The following MUC4 variants were observed in gnomAD, a reference collection of about 807,000 sequenced individuals.
MUC4 encodes the protein mucin 4, cell surface associated, also known as mucin-4.
In MUC4, 202 loss-of-function variants were observed where a neutral mutation model predicts 257.9. The observed-to-expected ratio is 0.78, with a 90% CI of 0.70 to 0.88. The LOEUF is 0.88. Among genes scored for constraint, MUC4 ranks in the 40% least tolerant of loss-of-function variants. The probability of loss-of-function intolerance (pLI) is 0.00; values close to 1 mark genes in which losing one functional copy is unlikely to be tolerated. For missense variants in MUC4, 5,976 were observed against 6,513.7 expected (o/e 0.92, Z 2.84); for synonymous variants, 2,351 against 2,757.1 (o/e 0.85, Z 4.62).
At chr3:195,776,550 C>T (rs1302988362) in intron 3 of MUC4, among the ~76,000 whole-genome samples, 1 of 27,564 alleles carries the variant, frequency 3.6e-5, no homozygotes. Flanking sequence ...CCTTCCACAC[C>T]CATACCTTCC....
In MUC4 at chr3:195,789,668, C is replaced by T. The variant is rs1733608502; in HGVS notation, c.1912G>A (p.Gly638Ser). The T allele has an allele frequency of 6.2e-7, 1 of 1,613,746 alleles. No homozygotes were observed. The highest frequency in any genetic ancestry group is 1.7e-5 in the Admixed American group (1 of 59,988). The change falls in exon 2 of 25, where the codon GGT (glycine) becomes AGT (serine). Residue 638 changes from glycine to serine, a missense_variant. Gly to Ser is a moderately conservative substitution (Grantham distance 56, BLOSUM62 0). Around this residue, in one of 44 missense-constraint regions of MUC4, gnomAD observed 1,583 missense variants for 1,257.4 expected, o/e 1.26. Transcript: ENST00000463781. ...PQESPAVSQR[G>S]HTQAPQTTQE... ...GTGGTCTGCGGGGCTTGAGTGTGACCCCTTTGGGAAACAGCTGGTGATTCC... is the reference window on the plus strand; with the variant it reads ...GTGGTCTGCGGGGCTTGAGTGTGACTCCTTTGGGAAACAGCTGGTGATTCC...
chr3:195,767,026 G>A (rs1213537369), intron 7 of MUC4, among the ~76,000 whole-genome samples: 3 of 152,130 alleles, frequency 2.0e-5, no homozygotes, highest in Non-Finnish European at 4.4e-5. Context: ...AGACAGGGGC[G>A]TGAAAACAAC....
intron 5 of MUC4, chr3:195,770,746 G>A: frequency 2.3e-6 from 1 of 431,942 alleles, no homozygotes; most frequent in Non-Finnish European, 4.6e-6. Context: ...CCTCCACACT[G>A]CCCTGTCCGT....
chr3:195,757,457 A>C lies in MUC4; in HGVS notation c.14987-129T>G, dbSNP rs1259390392. 8.1e-6 allele frequency: 7 copies of C among 863,958 alleles called. No homozygotes were observed. In the African/African-American group the frequency reaches 1.2e-4, roughly 15 times the overall value. The allele number at this position is 863,958 out of a possible 1,614,324, so 53.5% of individuals were successfully genotyped here. A position where few individuals can be genotyped will look rare whatever the true frequency, so the allele number is the denominator to read the frequency against. On this transcript the variant is annotated intron_variant, in intron 17 of 24. Coordinates refer to ENST00000463781, the MANE Select transcript of MUC4 (RefSeq NM_018406.7). The surrounding 1 kb of genome is among the most constrained non-coding windows in gnomAD (Gnocchi z 4.8). ...CCTCCCCAGACAAATCTCATTGGTC[A>C]TTTCCTTTGAGCAAGGCTGGTATCG...
chr3:195,807,722 G>T (rs547261855), intron 1 of MUC4, among the ~76,000 whole-genome samples: 2 of 152,344 alleles, frequency 1.3e-5, no homozygotes, highest in South Asian at 4.1e-4. Context: ...GCTACACGAT[G>T]TGCATATTTT....
In MUC4 at chr3:195,757,432, C is replaced by G. The variant is rs1454961340; in HGVS notation, c.14987-104G>C. 1 of 1,041,618 alleles carries G rather than the reference C, an allele frequency of 9.6e-7. No individual in the cohort carries two copies. The highest frequency in any genetic ancestry group is 1.4e-6 in the Non-Finnish European group (1 of 721,232). The allele number at this position is 1,041,618 out of a possible 1,614,324, so 64.5% of individuals were successfully genotyped here. On this transcript the variant is annotated intron_variant, in intron 17 of 24. Transcript: ENST00000463781. The surrounding 1 kb of genome is among the most constrained non-coding windows in gnomAD (Gnocchi z 4.8). ...CCCACCCCTCTCAGGCCACCCTCCC[C>G]CTCCCCAGACAAATCTCATTGGTCA...
intron 19 of MUC4, chr3:195,753,993 G>T (rs1053651690): frequency 1.7e-6 from 1 of 574,746 alleles, no homozygotes; most frequent in Non-Finnish European, 2.9e-6. Context: ...TTCTCCTTCA[G>T]CCCCACACCA....
chr3:195,809,319 G>C (rs1736394581), intron 1 of MUC4, among the ~76,000 whole-genome samples: 1 of 152,236 alleles, frequency 6.6e-6, no homozygotes. Context: ...TGTGCAAACA[G>C]ACCCTAGACT....
chr3:195,780,171 T>G lies in MUC4; in HGVS notation c.11409A>C (p.Thr3803=), dbSNP rs535042404. The G allele has an allele frequency of 5.6e-3, 8,308 of 1,489,764 alleles. 319 individuals are homozygous for G. The African/African-American group carries it at 0.1, about 19-fold the overall frequency. The allele number at this position is 1,489,764 out of a possible 1,614,324, so 92.3% of individuals were successfully genotyped here. A position where few individuals can be genotyped will look rare whatever the true frequency, so the allele number is the denominator to read the frequency against. Residue 3803 remains threonine, a synonymous_variant, in exon 2 of 25, where the codon ACA becomes ACC. Coordinates refer to ENST00000463781, the MANE Select transcript of MUC4 (RefSeq NM_018406.7). ...LPVTDTSSAS[T]GQATPLPVTS... ...TGACAGGAAGAGGGGTGGCCTGACC[T>G]GTGGATGCTGAGGAAGTGTCGGTGA...
rs1553872809 is a variant in MUC4, at chr3:195,781,263, G to T, written c.10317C>A (p.Thr3439=). Residue 3439 remains threonine (T), a synonymous_variant, in exon 2 of 25, where the codon ACC becomes ACA. Transcript: ENST00000463781. ...STSSASTGHA[T]PVPVTSTSSA... is the part of the protein sequence containing the mutation. ...AGGAAGTGCTGGTGACAGGAACAGG[G>T]GTGGCGTGACCGGTGGATGCTGAGG... 10 of 1,503,438 alleles carry T rather than the reference G, an allele frequency of 6.7e-6. No homozygotes were observed. The highest frequency in any genetic ancestry group is 6.1e-5 in the African/African-American group (4 of 65,954). The allele number at this position is 1,503,438 out of a possible 1,614,324, so 93.1% of individuals were successfully genotyped here. A position where few individuals can be genotyped will look rare whatever the true frequency, so the allele number is the denominator to read the frequency against.
Position 195,790,681 on chromosome 3 carries a change from A to G in MUC4, c.899T>C (p.Phe300Ser), listed in dbSNP as rs1733750364. 6.2e-7 allele frequency: 1 copy of G among 1,613,908 alleles called. No homozygotes were observed. Among genetic ancestry groups the G allele is most frequent in the East Asian group, 2.2e-5 (1 of 44,870 alleles). Residue 300 changes from phenylalanine to serine, a missense_variant, in exon 2 of 25, where the codon TTT becomes TCT. By Grantham distance (155) the Phe-to-Ser change is radical (BLOSUM62 -2). This residue lies in a region of MUC4 where 1,583 missense variants were observed against 1,257.4 expected (regional missense o/e 1.26). Transcript: ENST00000463781. ...MPVTSAALVT[F>S]DPEGQSPATF... ...TGCTGGTGATTGTCCTTCTGGATCA[A>G]ATGTTACTAAGGCTGCTGAGGTGAC...
At position 195,761,030 on chromosome 3, in the gene MUC4, T is replaced by C. The variant is rs372494970; in HGVS notation, c.14702A>G (p.Lys4901Arg). 18 of 1,614,166 alleles carry C rather than the reference T, an allele frequency of 1.1e-5. No homozygotes were observed. In the African/African-American group the frequency reaches 2.1e-4, roughly 19 times the overall value. The change falls in exon 16 of 25, where the codon AAA (lysine) becomes AGA (arginine). Residue 4901 changes from lysine to arginine, a missense_variant. Physicochemically the swap from Lys to Arg is conservative, Grantham distance 26. This residue lies in a region of MUC4 where 996 missense variants were observed against 1,137.3 expected (regional missense o/e 0.88). Transcript: ENST00000463781. ...FTPVFYSQLQ[K>R]NSSWAEHLIS... ...CAAATGTTCAGCCCAGGAGCTGTTT[T>C]TTTGCAGTTGTGAGTAGAAAACAGG...
At chr3:195,765,541 AC>A in intron 8 of MUC4, 92 bp from the exon 9 acceptor site, 1 of 1,243,108 alleles carries the variant, frequency 8.0e-7, no homozygotes, top group Non-Finnish European at 1.1e-6. Flanking sequence ...TCACAAATGC[AC>A]CCCCTCCTGC....
Position 195,790,373 on chromosome 3 carries a change from T to C in MUC4, c.1207A>G (p.Thr403Ala), listed in dbSNP as rs1381517418. 1.2e-6 allele frequency: 2 copies of C among 1,613,728 alleles called. No homozygotes were observed. Among genetic ancestry groups the C allele is most frequent in the South Asian group, 1.1e-5 (1 of 91,076 alleles). The change falls in exon 2 of 25, where the codon ACT (threonine) becomes GCT (alanine). Residue 403 changes from threonine (T) to alanine (A), a missense_variant. Thr to Ala is a moderately conservative substitution (Grantham distance 58). Coordinates refer to ENST00000463781, the MANE Select transcript of MUC4 (RefSeq NM_018406.7). ...GATGTCTCCTCTGTGTTTCCAAGAG[T>C]AGAGTCTCTGGAGGTTGGCATTCTG... ...VFRMPTSRDS[T>A]LGNTEETSLS...
chr3:195,801,357 T>C lies in MUC4; in HGVS notation c.83-9860A>G, dbSNP rs547711369. Among the ~76,000 whole-genome samples, 5 of 151,936 alleles carry C rather than the reference T, an allele frequency of 3.3e-5. No homozygotes were observed. In the South Asian group the frequency reaches 1.0e-3, roughly 32 times the overall value. ...CCTCTCTCTTCTCTCCCCGTGACCC[T>C]CCATTTTCTACTTCACTGAAAGAAC... On this transcript the variant is annotated intron_variant, in intron 1 of 24. Transcript: ENST00000463781.
chr3:195,808,713 T>C (rs1418022864), intron 1 of MUC4, among the ~76,000 whole-genome samples: 2 of 152,214 alleles, frequency 1.3e-5, no homozygotes, highest in Non-Finnish European at 2.9e-5. Context: ...CCTGTGCACC[T>C]TGCTGGTCGT....
chr3:195,803,671 C>T (rs1408731354), intron 1 of MUC4, among the ~76,000 whole-genome samples: 1 of 152,124 alleles, frequency 6.6e-6, no homozygotes, highest in Non-Finnish European at 1.5e-5. Flanking sequence ...CGAGATTCAG[C>T]GGCCCCATTT....
At chr3:195,764,512 AGTACTGCTGCTCTCAAC>A (rs1719985976) in intron 10 of MUC4, among the ~76,000 whole-genome samples, 1 of 152,112 alleles carries the variant, frequency 6.6e-6, no homozygotes, top group South Asian at 2.1e-4. Flanking sequence ...TGGAGAGCCA[AGTACTGCTGCTCTCAAC>A]GTGCTGGGAG....
chr3:195,748,339 G>A lies in MUC4; in HGVS notation c.16034+563C>T, dbSNP rs1195707678. Among the ~76,000 whole-genome samples the A allele has an allele frequency of 2.0e-5, 3 of 152,282 alleles. No individual in the cohort carries two copies. The South Asian group carries it at 6.2e-4, about 32-fold the overall frequency. On this transcript the variant is annotated intron_variant, in intron 24 of 24. Coordinates refer to ENST00000463781, the MANE Select transcript of MUC4 (RefSeq NM_018406.7). Reference sequence around the variant, plus strand: ...AGCACTTTGGGAGGCCAAGGTGGACGGATCACCTGAGGTCAGGAGTTCGAG... The same window carrying A: ...AGCACTTTGGGAGGCCAAGGTGGACAGATCACCTGAGGTCAGGAGTTCGAG...
Sources: allele counts gnomAD v4.1 joint callset (sites outside exome capture counted in the v4.1 genomes callset), GRCh38; gene constraint gnomAD v4.1.1; regional missense constraint gnomAD v4.1.1; non-coding constraint Gnocchi (gnomAD v3.1); transcripts MANE v1.5; gene names NCBI Gene and HGNC (gene_info 2026-07-23, HGNC 2026-07-21).